The following ROBO2 variants were observed in gnomAD, a reference collection of about 807,000 sequenced individuals.
ROBO2 encodes the protein roundabout homolog 2.
Under a neutral mutation model 160.8 loss-of-function variants are expected in ROBO2, and 53 were observed. That is an observed-to-expected ratio of 0.33 (90% CI 0.26 to 0.41). The LOEUF (loss-of-function observed/expected upper bound fraction) is 0.41, where lower values mean the gene tolerates loss of function less well. Among genes scored for constraint, ROBO2 ranks in the 10% least tolerant of loss-of-function variants. The pLI is 1.00. For synonymous variants in ROBO2, 664 were observed against 611.7 expected, an observed-to-expected ratio of 1.09 and a Z score of -1.26; for missense variants, 1,577 against 1,722.4, an observed-to-expected ratio of 0.92 and a Z score of 1.49.
At chr3:76,019,860 G>T (rs1354510180) in intron 2 of ROBO2, among the ~76,000 whole-genome samples, 4 of 142,690 alleles carry the variant, frequency 2.8e-5, no homozygotes, top group Non-Finnish European at 3.1e-5. Flanking sequence ...CTTGGAATTG[G>T]CTAATATTTG....
intron 2 of ROBO2, among the ~76,000 whole-genome samples, chr3:76,834,703 C>T (rs552594037): frequency 3.9e-5 from 6 of 152,126 alleles, no homozygotes; most frequent in East Asian, 1.9e-4. Context: ...TTGTCTTGCT[C>T]GTTGATCAGG....
At chr3:76,397,266 G>T (rs2077513884) in intron 2 of ROBO2, among the ~76,000 whole-genome samples, 1 of 152,130 alleles carries the variant, frequency 6.6e-6, no homozygotes, top group Non-Finnish European at 1.5e-5. Context: ...AAACTGGCTA[G>T]CCATATGTAG....
chr3:76,628,304 C>T lies in ROBO2; in HGVS notation c.110-469710C>T, dbSNP rs143713552. On this transcript the variant is annotated intron_variant, in intron 2 of 26. Coordinates refer to the ROBO2 transcript ENST00000487694. The stretch of plus-strand genomic sequence containing the variant: ...TCACTCTGCCACCCAGGCTGGAGTA[C>T]AGTGGCACGATCACAGCTTACCGCA... Among the ~76,000 whole-genome samples, 9 of 152,026 alleles carry T rather than the reference C, an allele frequency of 5.9e-5. No individual in the cohort carries two copies. The East Asian group carries it at 1.7e-3, about 29-fold the overall frequency.
intron 2 of ROBO2, among the ~76,000 whole-genome samples, chr3:76,449,781 G>C (rs1227714219): frequency 6.6e-6 from 1 of 152,106 alleles, no homozygotes; most frequent in Non-Finnish European, 1.5e-5. Flanking sequence ...TTAAATACTG[G>C]TTCAGCATCA....
At chr3:75,925,600 A>C (rs1330650379) in intron 1 of ROBO2, among the ~76,000 whole-genome samples, 1 of 152,128 alleles carries the variant, frequency 6.6e-6, no homozygotes, top group Non-Finnish European at 1.5e-5. Flanking sequence ...ACTTCCAGGG[A>C]GGGTTGAAGT....
At chr3:77,573,497 A>G (rs2093687088) in intron 13 of ROBO2, among the ~76,000 whole-genome samples, 1 of 152,080 alleles carries the variant, frequency 6.6e-6, no homozygotes, top group East Asian at 1.9e-4. Flanking sequence ...AAGATATCAA[A>G]AAGTTGTCAA....
At chr3:77,425,399 G>C (rs1250842139) in intron 2 of ROBO2, among the ~76,000 whole-genome samples, 1 of 152,144 alleles carries the variant, frequency 6.6e-6, no homozygotes, top group Non-Finnish European at 1.5e-5. Context: ...GCTTGAGATG[G>C]TGTCCTCTTT....
chr3:77,148,872 A>G (rs976084430), intron 2 of ROBO2, among the ~76,000 whole-genome samples: 30 of 152,206 alleles, frequency 2.0e-4, no homozygotes, highest in African/African-American at 7.0e-4. Context: ...CAGTAAAAGC[A>G]TAGATTGAAT....
intron 2 of ROBO2, among the ~76,000 whole-genome samples, chr3:77,026,362 A>G (rs1239069923): frequency 6.6e-6 from 1 of 152,230 alleles, no homozygotes. Context: ...CTAGCTACCA[A>G]TAACAACCAC....
At chr3:76,149,826 C>T (rs994525065) in intron 2 of ROBO2, among the ~76,000 whole-genome samples, 2 of 150,064 alleles carry the variant, frequency 1.3e-5, no homozygotes, top group Non-Finnish European at 3.0e-5. Context: ...ACACATCTGT[C>T]TAAAACACAC....
At chr3:76,465,074 T>A (rs1208408358) in intron 2 of ROBO2, among the ~76,000 whole-genome samples, 1 of 152,134 alleles carries the variant, frequency 6.6e-6, no homozygotes, top group Non-Finnish European at 1.5e-5. Flanking sequence ...CCTAGATTAA[T>A]GTTTGGCACA....
chr3:76,657,696 A>G (rs1345158125), intron 2 of ROBO2, among the ~76,000 whole-genome samples: 1 of 143,858 alleles, frequency 7.0e-6, no homozygotes, highest in Non-Finnish European at 1.5e-5. Context: ...GTGTGTATAT[A>G]TATTCATATA....
intron 2 of ROBO2, among the ~76,000 whole-genome samples, chr3:76,990,655 A>G (rs1286326778): frequency 6.6e-6 from 1 of 152,106 alleles, no homozygotes; most frequent in East Asian, 1.9e-4. Context: ...CTATCTCTCT[A>G]AAATAGTAAT....
intron 2 of ROBO2, among the ~76,000 whole-genome samples, chr3:76,517,631 T>C (rs2081406484): frequency 6.6e-6 from 1 of 152,216 alleles, no homozygotes; most frequent in African/African-American, 2.4e-5. Flanking sequence ...ACCCATTTTA[T>C]GATTCCAGAA....
chr3:77,095,562 A>G (rs900725985), intron 1 of ROBO2, among the ~76,000 whole-genome samples: 1 of 152,130 alleles, frequency 6.6e-6, no homozygotes, highest in Non-Finnish European at 1.5e-5. Context: ...GTTACTGTGC[A>G]TAGGGAGATT....
chr3:76,644,616 C>A (rs1018204049), intron 2 of ROBO2, among the ~76,000 whole-genome samples: 6 of 152,150 alleles, frequency 3.9e-5, no homozygotes, highest in Non-Finnish European at 8.8e-5. Flanking sequence ...AACTTGAAGT[C>A]TTCACCATAA....
At chr3:76,426,912 T>C (rs190829113) in intron 2 of ROBO2, among the ~76,000 whole-genome samples, 1 of 152,110 alleles carries the variant, frequency 6.6e-6, no homozygotes, top group African/African-American at 2.4e-5. Flanking sequence ...ATGAATGAAG[T>C]TACTCTTCGT....
At chr3:76,114,556 ATATAAT>A (rs1387412825) in intron 2 of ROBO2, among the ~76,000 whole-genome samples, 1 of 152,092 alleles carries the variant, frequency 6.6e-6, no homozygotes, top group Non-Finnish European at 1.5e-5. Flanking sequence ...GAAGGCCCTG[ATATAAT>A]TATTATCATT....
At chr3:76,247,969 A>G (rs1705724891) in intron 2 of ROBO2, among the ~76,000 whole-genome samples, 1 of 151,882 alleles carries the variant, frequency 6.6e-6, no homozygotes, top group South Asian at 2.1e-4. Context: ...TAGAATGGCA[A>G]TCATTAAAAA....
Sources: allele counts gnomAD v4.1 joint callset (sites outside exome capture counted in the v4.1 genomes callset), GRCh38; gene constraint gnomAD v4.1.1; transcripts MANE v1.5; gene names NCBI Gene and HGNC (gene_info 2026-07-23, HGNC 2026-07-21).